BICD1: variants seen among roughly 807,000 people sequenced by gnomAD.
BICD1 encodes the protein protein bicaudal D homolog 1.
BICD1 carries 35 observed loss-of-function variants against 92.5 expected under a neutral mutation model. The observed-to-expected ratio is 0.38, with a 90% CI of 0.29 to 0.50. The LOEUF is 0.50. Among genes scored for constraint, BICD1 ranks in the 20% least tolerant of loss-of-function variants. The pLI is 0.93. For synonymous variants in BICD1, 429 were observed against 465.1 expected, an observed-to-expected ratio of 0.92 and a Z score of 1.00; for missense variants, 950 against 1,189.8, an observed-to-expected ratio of 0.80 and a Z score of 2.97.
intron 9 of BICD1, among the ~76,000 whole-genome samples, chr12:32,368,693 T>TA (rs1216457179): frequency 4.6e-5 from 7 of 150,734 alleles, no homozygotes; most frequent in South Asian, 2.1e-4. Context: ...AGATTCCATC[T>TA]AAAAAAAAAT....
intron 2 of BICD1, among the ~76,000 whole-genome samples, chr12:32,283,753 C>G (rs555789344): frequency 1.3e-5 from 2 of 152,284 alleles, no homozygotes; most frequent in African/African-American, 4.8e-5. Flanking sequence ...GTGTGAGTGG[C>G]TCATGTGGGT....
chr12:32,352,421 G>A (rs1444013163), intron 8 of BICD1: 1 of 151,632 alleles, frequency 6.6e-6, no homozygotes, highest in African/African-American at 2.4e-5. Flanking sequence ...AGGAAGCGGA[G>A]GCTGCAGTGA....
chr12:32,270,883 G>T (rs117592257), intron 2 of BICD1, among the ~76,000 whole-genome samples: 4,724 of 152,178 alleles, frequency 0.031, 109 homozygotes, highest in Non-Finnish European at 0.048. Context: ...CCGTATAAAG[G>T]CTTCTCTTCT....
At chr12:32,177,551 C>T (rs1592423122) in intron 1 of BICD1, among the ~76,000 whole-genome samples, 1 of 148,302 alleles carries the variant, frequency 6.7e-6, no homozygotes, top group Non-Finnish European at 1.5e-5. Flanking sequence ...ATTCTATAGG[C>T]AAAAGAAAAG....
Position 32,326,737 on chromosome 12 carries a change from G to A in BICD1, c.1006-724G>A, listed in dbSNP as rs576191406. Among the ~76,000 whole-genome samples, 3 of 152,268 alleles carry A rather than the reference G, an allele frequency of 2.0e-5. No individual in the cohort carries two copies. In the East Asian group the frequency reaches 5.8e-4, roughly 29 times the overall value. On this transcript the variant is annotated intron_variant, in intron 4 of 9. Coordinates refer to ENST00000652176, the MANE Select transcript of BICD1 (RefSeq NM_001714.4). ...CTGTCTCTACACACACACAAAATTA[G>A]CCAGGTGTGGTGGTGCATACCTGTA...
At chr12:32,256,824 A>C (rs1946732599) in intron 2 of BICD1, among the ~76,000 whole-genome samples, 1 of 152,206 alleles carries the variant, frequency 6.6e-6, no homozygotes, top group South Asian at 2.1e-4. Context: ...ATTCAATGTT[A>C]GTTTGATTTT....
At chr12:32,295,082 GAA>G (rs10647988) in intron 3 of BICD1, among the ~76,000 whole-genome samples, 4 of 103,458 alleles carry the variant, frequency 3.9e-5, no homozygotes, top group Admixed American at 1.1e-4. Context: ...ATTCCGTCTC[GAA>G]AAAAAAAAAA....
intron 8 of BICD1, among the ~76,000 whole-genome samples, chr12:32,362,631 T>C (rs1939372386): frequency 6.6e-6 from 1 of 152,174 alleles, no homozygotes; most frequent in Admixed American, 6.5e-5. Flanking sequence ...GACCCTGATA[T>C]TTTCTAGAGG....
intron 1 of BICD1, among the ~76,000 whole-genome samples, chr12:32,197,129 C>A (rs1457185840): frequency 1.3e-5 from 2 of 152,050 alleles, no homozygotes; most frequent in African/African-American, 4.8e-5. Flanking sequence ...ATGCCTCAGC[C>A]TCCGGAGTAG....
At chr12:32,156,928 C>CAT (rs1381564701) in intron 1 of BICD1, among the ~76,000 whole-genome samples, 5 of 152,094 alleles carry the variant, frequency 3.3e-5, no homozygotes, top group Non-Finnish European at 5.9e-5. Flanking sequence ...AATTGTTTTT[C>CAT]ATATATATAT....
rs528504219 is a variant in BICD1, at chr12:32,230,165, C to T, written c.426+13706C>T. On this transcript the variant is annotated intron_variant, in intron 2 of 9. Transcript: ENST00000652176. ...TGAGATTTGAAGGGACAAAAGTGGG[C>T]GATAATCACCTGGGAGAGTGAACCG... Among the ~76,000 whole-genome samples the T allele has an allele frequency of 1.1e-4, 17 of 151,912 alleles. No individual in the cohort carries two copies. The South Asian group carries it at 3.5e-3, about 32-fold the overall frequency.
In BICD1 at chr12:32,349,142, A is replaced by T. The variant is rs551701921; in HGVS notation, c.2764+10163A>T. 3.3e-5 allele frequency among the ~76,000 whole-genome samples: 5 copies of T among 152,222 alleles called. No individual in the cohort carries two copies. The South Asian group carries it at 1.0e-3, about 32-fold the overall frequency. ...CAAAGAAGAGTTCTGGTGGGCAGCT[A>T]GGGCCATTTGTTGTAGTCCAGAGGA... On this transcript the variant is annotated intron_variant, in intron 8 of 9. Coordinates refer to ENST00000652176, the MANE Select transcript of BICD1 (RefSeq NM_001714.4).
In BICD1 at chr12:32,324,602, G is replaced by T. The variant is rs532338925; in HGVS notation, c.1006-2859G>T. Among the ~76,000 whole-genome samples, 119 of 152,018 alleles carry T rather than the reference G, an allele frequency of 7.8e-4. 2 individuals carry two copies. In the Middle Eastern group the frequency reaches 0.024, roughly 30 times the overall value. ...CTTTTTCTTTTGAGATGAAGATGGAGTCTCACTCTGTCGCCCAGGCTGGAG... is the reference window on the plus strand; with the variant it reads ...CTTTTTCTTTTGAGATGAAGATGGATTCTCACTCTGTCGCCCAGGCTGGAG... On this transcript the variant is annotated intron_variant, in intron 4 of 9. Coordinates refer to ENST00000652176, the MANE Select transcript of BICD1 (RefSeq NM_001714.4).
At chr12:32,231,017 G>A (rs1483863192) in intron 2 of BICD1, among the ~76,000 whole-genome samples, 4 of 152,172 alleles carry the variant, frequency 2.6e-5, no homozygotes, top group African/African-American at 9.7e-5. Context: ...TTTGGAAAGT[G>A]ATATTATATT....
chr12:32,143,704 A>G (rs895372686), intron 1 of BICD1, among the ~76,000 whole-genome samples: 1 of 152,102 alleles, frequency 6.6e-6, no homozygotes. Context: ...TAGAATTGCC[A>G]ATCTTCAACC....
chr12:32,192,943 G>A (rs1944617661), intron 1 of BICD1, among the ~76,000 whole-genome samples: 1 of 152,194 alleles, frequency 6.6e-6, no homozygotes, highest in Admixed American at 6.5e-5. Flanking sequence ...TCTTATGGAT[G>A]AACATCCTTC....
chr12:32,257,786 T>C (rs1230493575), intron 2 of BICD1, among the ~76,000 whole-genome samples: 1 of 152,206 alleles, frequency 6.6e-6, no homozygotes, highest in East Asian at 1.9e-4. Flanking sequence ...GGTTATACAA[T>C]GGAACCTTAT....
At chr12:32,267,681 A>G (rs1189368930) in intron 2 of BICD1, among the ~76,000 whole-genome samples, 7 of 152,128 alleles carry the variant, frequency 4.6e-5, no homozygotes, top group Non-Finnish European at 7.4e-5. Flanking sequence ...GTTCTGGTAT[A>G]TTTTCTTCTA....
Position 32,377,701 on chromosome 12 carries a change from C to T in BICD1, c.*74C>T, listed in dbSNP as rs1279598499. 5.3e-6 allele frequency: 7 copies of T among 1,323,170 alleles called. No homozygotes were observed. The highest frequency in any genetic ancestry group is 2.3e-5 in the East Asian group (1 of 43,174). The allele number at this position is 1,323,170 out of a possible 1,614,324, so 82.0% of individuals were successfully genotyped here. The stretch of plus-strand genomic sequence containing the variant: ...ACACAGGATACTGCCCAAGATCCAG[C>T]GGGTGTTTTCTTCTCGGTTGTTAGA... On this transcript the variant is annotated 3_prime_UTR_variant, in exon 10 of 10. Coordinates refer to ENST00000652176, the MANE Select transcript of BICD1 (RefSeq NM_001714.4).
Sources: gnomAD v4.1 joint callset for allele counts (sites outside exome capture counted in the v4.1 genomes callset) on GRCh38, gnomAD v4.1.1 for gene constraint, MANE v1.5 for transcripts, NCBI Gene and HGNC (gene_info 2026-07-23, HGNC 2026-07-21) for gene names.